Variants in SPMIP11 observed in about 807,000 individuals in gnomAD.
SPMIP11 encodes the protein sperm microtubule inner protein 11.
At chr12:48,728,436 C>T in the SPMIP11 span, among the ~76,000 whole-genome samples, 11 of 152,114 alleles carry the variant, frequency 7.2e-5, no homozygotes, top group East Asian at 9.6e-4. Context: ...TGGCCGGGTG[C>T]GGTGGCTCAC....
chr12:48,746,656 T>C, the SPMIP11 span, among the ~76,000 whole-genome samples: 2 of 148,590 alleles, frequency 1.3e-5, no homozygotes, highest in Non-Finnish European at 3.0e-5. Context: ...TGAGCCACCA[T>C]GCCCAGCCTA....
chr12:48,759,203 T>C, the SPMIP11 span: 1 of 702,838 alleles, frequency 1.4e-6, no homozygotes, highest in Non-Finnish European at 2.6e-6. Context: ...TCTACTCTAA[T>C]TTCAGACCAG....
the SPMIP11 span, among the ~76,000 whole-genome samples, chr12:48,735,026 A>AGAGGAG: frequency 1.4e-5 from 2 of 146,054 alleles, no homozygotes; most frequent in African/African-American, 5.0e-5. Flanking sequence ...AAAAAAAAGA[A>AGAGGAG]GAGGAGGAGG....
At chr12:48,743,431 C>T in the SPMIP11 span, among the ~76,000 whole-genome samples, 2 of 152,100 alleles carry the variant, frequency 1.3e-5, no homozygotes, top group African/African-American at 4.8e-5. Flanking sequence ...CATTAAATTA[C>T]AAAATTGCAG....
At chr12:48,733,914 G>A in the SPMIP11 span, among the ~76,000 whole-genome samples, 474 of 151,666 alleles carry the variant, frequency 3.1e-3, 4 homozygotes, top group African/African-American at 0.011. Context: ...GGTACTACAG[G>A]CACATGCCAC....
At chr12:48,736,381 T>C in the SPMIP11 span, among the ~76,000 whole-genome samples, 2 of 131,792 alleles carry the variant, frequency 1.5e-5, no homozygotes, top group East Asian at 2.2e-4. Flanking sequence ...ACCACTGCAC[T>C]CCAGCCTGGG....
the SPMIP11 span, among the ~76,000 whole-genome samples, chr12:48,744,676 G>T: frequency 6.6e-6 from 1 of 151,732 alleles, no homozygotes; most frequent in Non-Finnish European, 1.5e-5. Flanking sequence ...CCAAGATCGT[G>T]CCACTGCACT....
chr12:48,765,470 C>T, the SPMIP11 span: 1 of 611,522 alleles, frequency 1.6e-6, no homozygotes, highest in Non-Finnish European at 2.9e-6. Flanking sequence ...ACCTTGTGAT[C>T]CACCCGCCAG....
chr12:48,768,188 G>GA, the SPMIP11 span: 9 of 275,164 alleles, frequency 3.3e-5, no homozygotes, highest in Admixed American at 3.9e-4. Context: ...ATATTCCCAG[G>GA]AAAAAAGAGG....
chr12:48,769,142 G>A, the SPMIP11 span: 1 of 1,363,366 alleles, frequency 7.3e-7, no homozygotes. Flanking sequence ...GGCACTGGTA[G>A]AAGGACCCAG....
At chr12:48,753,692 C>T in the SPMIP11 span, among the ~76,000 whole-genome samples, 4,752 of 118,616 alleles carry the variant, frequency 0.04, 157 homozygotes, top group African/African-American at 0.13. Context: ...TTTTTTTTTT[C>T]TTTTTTTTTT....
At chr12:48,735,734 A>G in the SPMIP11 span, among the ~76,000 whole-genome samples, 466 of 151,822 alleles carry the variant, frequency 3.1e-3, 1 homozygote, top group Non-Finnish European at 4.6e-3. Context: ...AAATACAAAA[A>G]TTAGCCAGGC....
the SPMIP11 span, chr12:48,759,382 A>G: frequency 5.7e-6 from 4 of 698,170 alleles, no homozygotes; most frequent in African/African-American, 7.0e-5. Context: ...GATATGTCTG[A>G]GTTCCTAAAG....
At chr12:48,748,810 A>G in the SPMIP11 span, among the ~76,000 whole-genome samples, 1 of 152,186 alleles carries the variant, frequency 6.6e-6, no homozygotes, top group African/African-American at 2.4e-5. Flanking sequence ...ATCTACCTGC[A>G]TCTGTGCCCA....
chr12:48,763,272 A>T, the SPMIP11 span, among the ~76,000 whole-genome samples: 1 of 151,998 alleles, frequency 6.6e-6, no homozygotes, highest in Admixed American at 6.6e-5. Flanking sequence ...TCCCAGGCTC[A>T]AACGATCCTT....
chr12:48,746,474 C>T, the SPMIP11 span, among the ~76,000 whole-genome samples: 1 of 145,666 alleles, frequency 6.9e-6, no homozygotes, highest in South Asian at 2.2e-4. Context: ...TCAAGCAATT[C>T]TTCTGCCTCA....
At chr12:48,764,267 G>A in the SPMIP11 span, among the ~76,000 whole-genome samples, 1 of 152,118 alleles carries the variant, frequency 6.6e-6, no homozygotes, top group Non-Finnish European at 1.5e-5. Flanking sequence ...GGAATTACAG[G>A]CGTGAGCCAC....
At chr12:48,749,499 ATGC>A in the SPMIP11 span, among the ~76,000 whole-genome samples, 1 of 150,764 alleles carries the variant, frequency 6.6e-6, no homozygotes, top group Non-Finnish European at 1.5e-5. Context: ...ATGGTGGCGT[ATGC>A]CTGTAATCCC....
At chr12:48,763,599 A>G in the SPMIP11 span, among the ~76,000 whole-genome samples, 1 of 152,190 alleles carries the variant, frequency 6.6e-6, no homozygotes, top group Non-Finnish European at 1.5e-5. Context: ...AATCCAGAAT[A>G]TTAGGCTATA....
Sources: allele counts gnomAD v4.1 joint callset (sites outside exome capture counted in the v4.1 genomes callset), GRCh38; gene constraint gnomAD v4.1.1; transcripts MANE v1.5; gene names NCBI Gene and HGNC (gene_info 2026-07-23, HGNC 2026-07-21).